The following WWC1 variants were observed in gnomAD, a reference collection of about 807,000 sequenced individuals.
WWC1 encodes the protein WW and C2 domain containing 1.
Under a neutral mutation model 138.4 loss-of-function variants are expected in WWC1, and 55 were observed. That is an observed-to-expected ratio of 0.40 (90% CI 0.32 to 0.50). The LOEUF is 0.50. Among genes scored for constraint, WWC1 ranks in the 20% least tolerant of loss-of-function variants. The pLI is 0.72. For synonymous variants in WWC1, 524 were observed against 564.9 expected (o/e 0.93, Z 1.03); for missense variants, 1,226 against 1,420.4 (o/e 0.86, Z 2.20).
At chr5:168,362,787 A>G (rs1775976059) in intron 1 of WWC1, among the ~76,000 whole-genome samples, 1 of 152,218 alleles carries the variant, frequency 6.6e-6, no homozygotes, top group South Asian at 2.1e-4. Context: ...CAAAGGGCAC[A>G]GGTGTGTGAT....
At chr5:168,293,499 T>G (rs768176425) in intron 1 of WWC1, among the ~76,000 whole-genome samples, 3 of 152,168 alleles carry the variant, frequency 2.0e-5, no homozygotes, top group Admixed American at 6.5e-5. Flanking sequence ...GCACTTACTT[T>G]CATTCATTCA....
At chr5:168,399,669 C>A in intron 5 of WWC1, 102 bp downstream of exon 5, 1 of 1,119,674 alleles carries the variant, frequency 8.9e-7, no homozygotes, top group Non-Finnish European at 1.3e-6. Context: ...CCTCCCTTCT[C>A]AAAATGTGGC....
intron 1 of WWC1, among the ~76,000 whole-genome samples, chr5:168,361,472 A>G (rs192568029): frequency 2.6e-5 from 4 of 152,298 alleles, no homozygotes; most frequent in Admixed American, 2.0e-4. Context: ...TTCCTACCCA[A>G]TGATCAGTCT....
chr5:168,338,510 C>T (rs1429043517), intron 1 of WWC1, among the ~76,000 whole-genome samples: 1 of 151,014 alleles, frequency 6.6e-6, no homozygotes, highest in African/African-American at 2.4e-5. Flanking sequence ...CTCCCGGGTT[C>T]AAGCGGTTCT....
At chr5:168,458,635 C>T (rs1207706391) in intron 19 of WWC1, among the ~76,000 whole-genome samples, 7 of 152,174 alleles carry the variant, frequency 4.6e-5, no homozygotes, top group Admixed American at 2.6e-4. Context: ...ACCAAATAGA[C>T]ACAGCCCATC....
intron 3 of WWC1, among the ~76,000 whole-genome samples, chr5:168,389,376 A>G (rs1243188379): frequency 2.7e-5 from 4 of 150,640 alleles, no homozygotes; most frequent in African/African-American, 7.3e-5. Flanking sequence ...GCTTGAACCC[A>G]GGAGACGGAG....
chr5:168,307,657 T>G (rs1269054828), intron 1 of WWC1, among the ~76,000 whole-genome samples: 1 of 147,768 alleles, frequency 6.8e-6, no homozygotes, highest in Non-Finnish European at 1.5e-5. Context: ...CAGGCTGGAG[T>G]GCAGTGGTGC....
intron 1 of WWC1, among the ~76,000 whole-genome samples, chr5:168,295,252 A>G (rs570456305): frequency 5.3e-5 from 8 of 152,216 alleles, no homozygotes; most frequent in African/African-American, 1.9e-4. Context: ...CCAGCTCTTA[A>G]ATATTATTTC....
At chr5:168,347,840 T>C (rs761210045) in intron 1 of WWC1, among the ~76,000 whole-genome samples, 60 of 152,192 alleles carry the variant, frequency 3.9e-4, no homozygotes, top group Non-Finnish European at 1.0e-4. Context: ...TGCAGTGCTC[T>C]AAACAGTCCT....
intron 1 of WWC1, 59 bp from the exon 2 acceptor site, chr5:168,371,365 G>A: frequency 7.7e-7 from 1 of 1,302,692 alleles, no homozygotes; most frequent in Non-Finnish European, 1.1e-6. Context: ...GGAAGCAGCA[G>A]GTTGCAGGCA....
At chr5:168,431,206 A>G (rs775784098) in intron 14 of WWC1, 46 bp from the exon 15 acceptor site, 6 of 1,535,714 alleles carry the variant, frequency 3.9e-6, no homozygotes, top group Non-Finnish European at 5.3e-6. Flanking sequence ...TTTTAGCCCC[A>G]GACATGGGCT....
At chr5:168,399,258 A>T (rs1348192365) in intron 4 of WWC1, among the ~76,000 whole-genome samples, 1 of 152,210 alleles carries the variant, frequency 6.6e-6, no homozygotes, top group Non-Finnish European at 1.5e-5. Flanking sequence ...ACTGGCTAGG[A>T]ATGACCTACA....
At chr5:168,418,633 C>A (rs1002576843) in intron 9 of WWC1, among the ~76,000 whole-genome samples, 2 of 152,156 alleles carry the variant, frequency 1.3e-5, no homozygotes, top group African/African-American at 4.8e-5. Flanking sequence ...GACGTCATGG[C>A]AGCCCAACTC....
intron 1 of WWC1, among the ~76,000 whole-genome samples, chr5:168,352,502 A>G (rs1286985024): frequency 6.6e-6 from 1 of 151,828 alleles, no homozygotes; most frequent in Non-Finnish European, 1.5e-5. Context: ...CAGCTCTGCC[A>G]CCTTCCAGCT....
chr5:168,408,763 C>A, intron 7 of WWC1, 110 bp downstream of exon 7: 1 of 1,434,150 alleles, frequency 7.0e-7, no homozygotes, highest in Non-Finnish European at 9.5e-7. Context: ...GCCAGGGGTT[C>A]TCTGCAGGGC....
rs1484248365 is a variant in WWC1 at position 168,358,076 on chromosome 5, A to G, written c.120-13348A>G. Reference sequence around the variant, plus strand: ...TTGGGACCCTTGCATGTGGTGGGCCATGCTGGCTTGTGGTTTTCCAGACAT... The same window carrying G: ...TTGGGACCCTTGCATGTGGTGGGCCGTGCTGGCTTGTGGTTTTCCAGACAT... On this transcript the variant is annotated intron_variant, in intron 1 of 22. Coordinates refer to ENST00000265293, the MANE Select transcript of WWC1 (RefSeq NM_015238.3). Among the ~76,000 whole-genome samples the G allele has an allele frequency of 2.6e-5, 4 of 152,192 alleles. No individual in the cohort carries two copies. The East Asian group carries it at 7.7e-4, about 29-fold the overall frequency.
chr5:168,418,333 T>C (rs1477304), intron 9 of WWC1, among the ~76,000 whole-genome samples: 82,881 of 152,040 alleles, frequency 0.55, 24,263 homozygotes, highest in East Asian at 0.77. Context: ...GCAGGATACT[T>C]GCTAGCGCAC....
At chr5:168,339,402 T>C (rs1773784610) in intron 1 of WWC1, among the ~76,000 whole-genome samples, 1 of 152,108 alleles carries the variant, frequency 6.6e-6, no homozygotes. Context: ...GTGCAGTCAT[T>C]TGATGTTAAG....
intron 1 of WWC1, among the ~76,000 whole-genome samples, chr5:168,300,473 G>T (rs1769960967): frequency 7.2e-6 from 1 of 139,622 alleles, no homozygotes. Context: ...CCTGCTCAAT[G>T]CTTCTACCCA....
Sources: gnomAD v4.1 joint callset for allele counts (sites outside exome capture counted in the v4.1 genomes callset) on GRCh38, gnomAD v4.1.1 for gene constraint, MANE v1.5 for transcripts, NCBI Gene and HGNC (gene_info 2026-07-23, HGNC 2026-07-21) for gene names.